The following ADGRB1 variants were observed in gnomAD, a reference collection of about 807,000 sequenced individuals.
ADGRB1 encodes brain-specific angiogenesis inhibitor 1.
Under a neutral mutation model 175.7 loss-of-function variants are expected in ADGRB1, and 36 were observed. The observed-to-expected ratio is 0.20, with a 90% CI of 0.16 to 0.27. The LOEUF is 0.27. Ranked by LOEUF, ADGRB1 falls within the 10% of genes least tolerant of loss-of-function variation. The probability of loss-of-function intolerance (pLI) is 1.00; values close to 1 mark genes in which losing one functional copy is unlikely to be tolerated. For missense variants in ADGRB1, 1,731 were observed against 2,255.3 expected (o/e 0.77, Z 4.71); for synonymous variants, 1,054 against 979.4 (o/e 1.08, Z -1.42).
intron 11 of ADGRB1, among the ~76,000 whole-genome samples, chr8:142,483,041 C>G (rs1841448096): frequency 6.7e-6 from 1 of 149,928 alleles, no homozygotes. Flanking sequence ...CCTGGTCACA[C>G]TGAGCCCTGA....
rs1486826626 is a variant in ADGRB1, at chr8:142,539,335, C to T, written c.3667-39C>T. On this transcript the variant is annotated intron_variant, in intron 26 of 30. Coordinates refer to ENST00000517894, the MANE Select transcript of ADGRB1 (RefSeq NM_001702.3). ...GCACGCGTGCACACACCCCCGCTCC[C>T]AGAGGCGCTCACCCTGCCCTGTTGT... 8 of 1,559,860 alleles carry T rather than the reference C, an allele frequency of 5.1e-6. No homozygotes were observed. In the East Asian group the frequency reaches 1.9e-4, roughly 38 times the overall value.
intron 1 of ADGRB1, among the ~76,000 whole-genome samples, chr8:142,452,149 C>A (rs958445369): frequency 1.3e-5 from 2 of 152,206 alleles, no homozygotes; most frequent in African/African-American, 4.8e-5. Flanking sequence ...GCCCTCCCTT[C>A]GGCTCGCTAG....
chr8:142,472,052 G>T (rs1020664528), intron 2 of ADGRB1, among the ~76,000 whole-genome samples: 1 of 152,212 alleles, frequency 6.6e-6, no homozygotes, highest in Admixed American at 6.5e-5. Flanking sequence ...CTCCAGCCCC[G>T]GTGCTGCCCG....
intron 2 of ADGRB1, among the ~76,000 whole-genome samples, chr8:142,472,439 C>T (rs1840724131): frequency 6.6e-6 from 1 of 152,188 alleles, no homozygotes; most frequent in African/African-American, 2.4e-5. Context: ...GCCCACCCCC[C>T]AGCCTGCTTG....
Position 142,511,017 on chromosome 8 carries a change from T to C in ADGRB1, c.2761T>C (p.Cys921Arg). 1 of 1,308,642 alleles carries C rather than the reference T, an allele frequency of 7.6e-7. No homozygotes were observed. Among genetic ancestry groups the C allele is most frequent in the Non-Finnish European group, 9.9e-7 (1 of 1,011,036 alleles). 81.1% of individuals were successfully genotyped at this position (1,308,642 alleles called of 1,614,324 possible). A position where few individuals can be genotyped will look rare whatever the true frequency, so the allele number is the denominator to read the frequency against. The change falls in exon 18 of 31, where the codon TGC becomes CGC. Residue 921 changes from cysteine (C) to arginine (R), a missense_variant. Cys to Arg is a radical substitution (Grantham distance 180). This residue lies in a region of ADGRB1 where 77 missense variants were observed against 71.6 expected (regional missense o/e 1.08). Transcript: ENST00000517894. This position sits in a 1 kb window ranked among gnomAD's most constrained non-coding sequence, Gnocchi z 4.5. ...GCCCCTCGACGCCCTCCGGACGCGC[T>C]GCCTCTGTGACCGGCTCTCCACCTT... Reference protein sequence around the residue: ...TVPLDALRTRCLCDRLSTFAI... With the variant: ...TVPLDALRTRRLCDRLSTFAI...
chr8:142,470,476 C>T (rs573470906), intron 2 of ADGRB1, among the ~76,000 whole-genome samples: 1 of 151,442 alleles, frequency 6.6e-6, no homozygotes, highest in Non-Finnish European at 1.5e-5. Context: ...GGAGCCACTC[C>T]TTTTGCACAA....
At chr8:142,520,132 G>GTGA (rs1843698688) in intron 19 of ADGRB1, among the ~76,000 whole-genome samples, 1 of 146,802 alleles carries the variant, frequency 6.8e-6, no homozygotes, top group African/African-American at 2.5e-5. Context: ...GATGATGATG[G>GTGA]TGGTGATGGT....
At chr8:142,478,499 C>A in intron 7 of ADGRB1, 139 bp downstream of exon 7, 2 of 964,966 alleles carry the variant, frequency 2.1e-6, no homozygotes, top group South Asian at 1.8e-5. Flanking sequence ...ACAGTGGGGT[C>A]TGGGGTGGCT....
chr8:142,529,859 GGTGCAACCTGGTGTGTATACATGTGAAC>G (rs1024680767), intron 24 of ADGRB1, among the ~76,000 whole-genome samples: 1 of 140,268 alleles, frequency 7.1e-6, no homozygotes, highest in Non-Finnish European at 1.5e-5. Context: ...CATCTGTGTG[GGTGCAACCTGGTGTGTATACATGTGAAC>G]GTGCATCTGT....
Position 142,478,301 on chromosome 8 carries a change from G to A in ADGRB1, c.1502G>A (p.Gly501Asp). The change falls in exon 7 of 31, where the codon GGT becomes GAT. Residue 501 changes from glycine to aspartate, a missense_variant. This residue lies in a region of ADGRB1 where 388 missense variants were observed against 630.9 expected (regional missense o/e 0.61). Transcript: ENST00000517894. ...GAATGCAACGGGCCTTCCTACGGGG[G>A]TGCGGAGTGCCAGGGCCACTGGGTG... Reference protein sequence around the residue: ...TRECNGPSYGGAECQGHWVET... With the variant: ...TRECNGPSYGDAECQGHWVET... 1 of 1,610,650 alleles carries A rather than the reference G, an allele frequency of 6.2e-7. No homozygotes were observed. The highest frequency in any genetic ancestry group is 8.5e-7 in the Non-Finnish European group (1 of 1,179,048).
chr8:142,471,598 C>CT (rs1185171622), intron 2 of ADGRB1, among the ~76,000 whole-genome samples: 1 of 152,184 alleles, frequency 6.6e-6, no homozygotes, highest in Non-Finnish European at 1.5e-5. Context: ...ACAGTACCTG[C>CT]TAGCAGGGCC....
rs1053910788 is a variant in ADGRB1, at chr8:142,543,337, G to C, written c.4414-66G>C. ...TGAGTCCCTGATGCCCTCAGTCTGA[G>C]GCAGGGAGAGGCGTGGACTTGTCAG... On this transcript the variant is annotated intron_variant, in intron 28 of 30. Transcript: ENST00000517894. The surrounding 1 kb of genome is among the most constrained non-coding windows in gnomAD (Gnocchi z 4.4). 1.9e-6 allele frequency: 3 copies of C among 1,597,304 alleles called. No individual in the cohort carries two copies. The highest frequency in any genetic ancestry group is 2.6e-6 in the Non-Finnish European group (3 of 1,169,240).
intron 15 of ADGRB1, 77 bp from the exon 16 acceptor site, chr8:142,489,259 G>A (rs562312826): frequency 2.0e-5 from 32 of 1,573,024 alleles, no homozygotes; most frequent in East Asian, 9.0e-5. Flanking sequence ...AGGGGCCCTC[G>A]GGGGCACCTG....
At chr8:142,477,333 G>A in intron 5 of ADGRB1, 52 bp from the exon 6 acceptor site, 1 of 1,588,446 alleles carries the variant, frequency 6.3e-7, no homozygotes, top group South Asian at 1.1e-5. Flanking sequence ...GGGGGCCAGG[G>A]CAGCGGGGGC....
intron 19 of ADGRB1, among the ~76,000 whole-genome samples, chr8:142,519,759 G>T (rs1354337436): frequency 1.3e-5 from 2 of 150,396 alleles, no homozygotes; most frequent in Admixed American, 1.3e-4. Flanking sequence ...GGTGGTAATG[G>T]TCGTGGTGAT....
chr8:142,479,575 T>G, intron 8 of ADGRB1, 88 bp downstream of exon 8: 1 of 1,523,594 alleles, frequency 6.6e-7, no homozygotes, highest in South Asian at 1.3e-5. Flanking sequence ...ACGTGGTGTG[T>G]TGGGGGCTCC....
intron 17 of ADGRB1, among the ~76,000 whole-genome samples, chr8:142,491,423 G>A (rs972906828): frequency 6.6e-6 from 1 of 152,238 alleles, no homozygotes; most frequent in Non-Finnish European, 1.5e-5. Flanking sequence ...GGGCCCTGGT[G>A]GGTGTGCCAG....
At position 142,504,289 on chromosome 8, in the gene ADGRB1, G is replaced by C. The variant is rs35760050; in HGVS notation, c.2676-6643G>C. Among the ~76,000 whole-genome samples the C allele has an allele frequency of 0.083, 12,634 of 152,246 alleles. 931 individuals are homozygous for C. The highest frequency in any genetic ancestry group is 0.2 in the African/African-American group (8,307 of 41,540). Reference sequence around the variant, plus strand: ...GGCAGTGGCTCCAGGAGCCCTGGAGGGGGAGGCTAATCACACAGGATGCGG... The same window carrying C: ...GGCAGTGGCTCCAGGAGCCCTGGAGCGGGAGGCTAATCACACAGGATGCGG... On this transcript the variant is annotated intron_variant, in intron 17 of 30. Transcript: ENST00000517894. This position sits in a 1 kb window ranked among gnomAD's most constrained non-coding sequence, Gnocchi z 5.6.
At chr8:142,530,750 A>G (rs893128821) in intron 24 of ADGRB1, among the ~76,000 whole-genome samples, 1 of 152,102 alleles carries the variant, frequency 6.6e-6, no homozygotes, top group Non-Finnish European at 1.5e-5. Flanking sequence ...ATCTCATTCC[A>G]TCAGAGAGAA....
Sources: allele counts gnomAD v4.1 joint callset (sites outside exome capture counted in the v4.1 genomes callset), GRCh38; gene constraint gnomAD v4.1.1; regional missense constraint gnomAD v4.1.1; non-coding constraint Gnocchi (gnomAD v3.1); transcripts MANE v1.5; gene names NCBI Gene and HGNC (gene_info 2026-07-23, HGNC 2026-07-21).